Variants in DIRAS2 observed in about 807,000 individuals in gnomAD.
The protein encoded by DIRAS2 is GTP-binding protein Di-Ras2.
A neutral mutation model predicts 13.9 loss-of-function variants in DIRAS2; 5 were observed. The ratio of observed to expected loss-of-function variants is 0.36; its 90% CI spans 0.19 to 0.76. The LOEUF (loss-of-function observed/expected upper bound fraction) is 0.76, where lower values mean the gene tolerates loss of function less well. DIRAS2 is among the 30% of genes least tolerant of loss of function. The probability of loss-of-function intolerance (pLI) is 0.53; values close to 1 mark genes in which losing one functional copy is unlikely to be tolerated. For missense variants in DIRAS2, 191 were observed against 263.0 expected, an observed-to-expected ratio of 0.73 and a Z score of 1.89; for synonymous variants, 111 against 105.4, an observed-to-expected ratio of 1.05 and a Z score of -0.33.
rs1434820097 is a variant in DIRAS2 at position 90,612,532 on chromosome 9, C to G, written c.*696G>C. ...ATATCCTCACTTAAAAACTGAAGAA[C>G]TTCCGACAGAGCAGCACACTGTTAG... On this transcript the variant is annotated 3_prime_UTR_variant, in exon 2 of 2. Coordinates refer to ENST00000375765, the MANE Select transcript of DIRAS2 (RefSeq NM_017594.5). 6.6e-6 allele frequency: 1 copy of G among 152,308 alleles called. No homozygotes were observed. Among genetic ancestry groups the G allele is most frequent in the East Asian group, 1.9e-4 (1 of 5,204 alleles). The allele number at this position is 152,308 out of a possible 1,614,324, so 9.4% of individuals were successfully genotyped here.
At position 90,613,497 on chromosome 9, in the gene DIRAS2, C is replaced by A. The variant is rs759324657; in HGVS notation, c.331G>T (p.Val111Leu). The A allele has an allele frequency of 5.0e-6, 8 of 1,614,014 alleles. No individual in the cohort carries two copies. In the South Asian group the frequency reaches 6.6e-5, roughly 13 times the overall value. ...ACCAGCATGATGGGGATGCTCTCCA[C>A]GTCCCCTTTGATCTCGCAGATTTGT... is the stretch of plus-strand genomic sequence containing the variant. ...YEQICEIKGD[V>L]ESIPIMLVGN... Residue 111 changes from valine to leucine, a missense_variant, in exon 2 of 2, where the codon GTG becomes TTG. Physicochemically the swap from Val to Leu is conservative, Grantham distance 32. Coordinates refer to ENST00000375765, the MANE Select transcript of DIRAS2 (RefSeq NM_017594.5). This position sits in a 1 kb window ranked among gnomAD's most constrained non-coding sequence, Gnocchi z 5.6.
At chr9:90,632,958 T>C (rs929923284) in intron 1 of DIRAS2, among the ~76,000 whole-genome samples, 1 of 152,204 alleles carries the variant, frequency 6.6e-6, no homozygotes, top group African/African-American at 2.4e-5. Context: ...GTGATATCCA[T>C]GGCTCTCTGT....
Position 90,613,562 on chromosome 9 carries a change from G to C in DIRAS2, c.266C>G (p.Thr89Ser), listed in dbSNP as rs1564017963. 2 of 1,614,166 alleles carry C rather than the reference G, an allele frequency of 1.2e-6. No individual in the cohort carries two copies. The highest frequency in any genetic ancestry group is 1.7e-6 in the Non-Finnish European group (2 of 1,180,036). ...GAGCTCCTCCAAGGACTGTCGGCTG[G>C]TAATGGAGTACACCAGGATGAAGGC... The part of the protein sequence containing the change: ...GHAFILVYSI[T>S]SRQSLEELKP... Residue 89 changes from threonine to serine, a missense_variant, in exon 2 of 2, where the codon ACC becomes AGC. Thr to Ser is a moderately conservative substitution (Grantham distance 58, BLOSUM62 1). Coordinates refer to ENST00000375765, the MANE Select transcript of DIRAS2 (RefSeq NM_017594.5). The surrounding 1 kb of genome is among the most constrained non-coding windows in gnomAD (Gnocchi z 5.6).
Position 90,613,943 on chromosome 9 carries a change from G to A in DIRAS2, c.-36-80C>T, listed in dbSNP as rs889475365. On this transcript the variant is annotated intron_variant, in intron 1 of 1. Coordinates refer to ENST00000375765, the MANE Select transcript of DIRAS2 (RefSeq NM_017594.5). This position sits in a 1 kb window ranked among gnomAD's most constrained non-coding sequence, Gnocchi z 5.6. ...AATAAGGATAGCTCTACCCTCTTTTGATAGCTTAAAAATGGGAGGTGATAA... is the reference window on the plus strand; with the variant it reads ...AATAAGGATAGCTCTACCCTCTTTTAATAGCTTAAAAATGGGAGGTGATAA... 2.3e-6 allele frequency: 3 copies of A among 1,323,078 alleles called. No homozygotes were observed. In the African/African-American group the frequency reaches 4.5e-5, roughly 20 times the overall value. 82.0% of individuals were successfully genotyped at this position (1,323,078 alleles called of 1,614,324 possible). A position where few individuals can be genotyped will look rare whatever the true frequency, so the allele number is the denominator to read the frequency against.
intron 1 of DIRAS2, among the ~76,000 whole-genome samples, chr9:90,638,601 T>C: frequency 6.6e-6 from 1 of 152,070 alleles, no homozygotes; most frequent in East Asian, 1.9e-4. Flanking sequence ...ATGATTGTTT[T>C]ATAGGCAAGG....
In DIRAS2 at chr9:90,612,001, GAAAGATTA is replaced by G. The variant is rs1470778159; in HGVS notation, c.*1219_*1226del. 6.6e-6 allele frequency: 1 copy of G among 152,262 alleles called. No individual in the cohort carries two copies. The highest frequency in any genetic ancestry group is 1.5e-5 in the Non-Finnish European group (1 of 68,038). The allele number at this position is 152,262 out of a possible 1,614,324, so 9.4% of individuals were successfully genotyped here. A position where few individuals can be genotyped will look rare whatever the true frequency, so the allele number is the denominator to read the frequency against. ...ACCTGAAATAGCTGTAATTTGGCTTGAAAGATTAAAGATGCACACAAAATCATTAAGAG... is the reference window on the plus strand; with the variant it reads ...ACCTGAAATAGCTGTAATTTGGCTTGAAGATGCACACAAAATCATTAAGAG... On this transcript the variant is annotated 3_prime_UTR_variant, in exon 2 of 2. Coordinates refer to ENST00000375765, the MANE Select transcript of DIRAS2 (RefSeq NM_017594.5).
intron 1 of DIRAS2, among the ~76,000 whole-genome samples, chr9:90,630,338 A>G (rs568061699): frequency 3.3e-5 from 5 of 152,364 alleles, no homozygotes; most frequent in African/African-American, 1.2e-4. Flanking sequence ...AACTCTGCTT[A>G]AAACCACTCA....
intron 1 of DIRAS2, among the ~76,000 whole-genome samples, chr9:90,617,161 G>A (rs1387823477): frequency 6.6e-6 from 1 of 152,228 alleles, no homozygotes; most frequent in African/African-American, 2.4e-5. Context: ...ATTTGGGGTA[G>A]CAAGTGAGTG....
At chr9:90,623,559 A>G (rs1825240604) in intron 1 of DIRAS2, among the ~76,000 whole-genome samples, 1 of 152,214 alleles carries the variant, frequency 6.6e-6, no homozygotes, top group Non-Finnish European at 1.5e-5. Flanking sequence ...AGTGAAAATC[A>G]GTATTAGGCC....
chr9:90,623,423 C>T (rs1825238071), intron 1 of DIRAS2, among the ~76,000 whole-genome samples: 3 of 152,002 alleles, frequency 2.0e-5, no homozygotes, highest in Admixed American at 2.0e-4. Context: ...CTCCCTTATA[C>T]TCCAAAAAAG....
At chr9:90,628,318 C>T (rs1039164559) in intron 1 of DIRAS2, among the ~76,000 whole-genome samples, 1 of 152,096 alleles carries the variant, frequency 6.6e-6, no homozygotes, top group Non-Finnish European at 1.5e-5. Flanking sequence ...TTGTTTTTAA[C>T]CTCATTCATA....
rs1564020857 is a variant in DIRAS2 at position 90,626,434 on chromosome 9, C to T, written c.-36-12571G>A. On this transcript the variant is annotated intron_variant, in intron 1 of 1. Transcript: ENST00000375765. ...CAGCCTGGGCACCATAGCAAGACCC[C>T]ATTTCTTAAAAAAAAAAAAAAAAAG... Among the ~76,000 whole-genome samples the T allele has an allele frequency of 2.5e-5, 3 of 119,470 alleles. No individual in the cohort carries two copies. The South Asian group carries it at 8.8e-4, about 35-fold the overall frequency. The allele number at this position is 119,470 out of a possible 152,430, so 78.4% of individuals were successfully genotyped here.
At chr9:90,614,940 T>C (rs1324734947) in intron 1 of DIRAS2, among the ~76,000 whole-genome samples, 1 of 152,170 alleles carries the variant, frequency 6.6e-6, no homozygotes, top group African/African-American at 2.4e-5. Context: ...TGTACCTTCT[T>C]CGGTAAGGAA....
intron 1 of DIRAS2, among the ~76,000 whole-genome samples, chr9:90,615,934 T>C (rs189176166): frequency 2.6e-5 from 4 of 152,388 alleles, no homozygotes; most frequent in Admixed American, 2.0e-4. Context: ...GAATCTAATC[T>C]TAAGCTTCTT....
chr9:90,631,768 C>T (rs1255556058), intron 1 of DIRAS2, among the ~76,000 whole-genome samples: 1 of 152,162 alleles, frequency 6.6e-6, no homozygotes, highest in African/African-American at 2.4e-5. Flanking sequence ...AAACTGCCGG[C>T]TCATATACCC....
chr9:90,628,638 C>T (rs557575141), intron 1 of DIRAS2, among the ~76,000 whole-genome samples: 3 of 152,228 alleles, frequency 2.0e-5, no homozygotes, highest in South Asian at 2.1e-4. Flanking sequence ...CTCAATCTCC[C>T]GGGCTCAGGT....
At chr9:90,628,959 A>G (rs546665636) in intron 1 of DIRAS2, among the ~76,000 whole-genome samples, 6 of 151,948 alleles carry the variant, frequency 3.9e-5, no homozygotes, top group African/African-American at 1.2e-4. Context: ...GGTTCACGCC[A>G]TTCTCCTGCT....
At chr9:90,623,202 C>T (rs1030082984) in intron 1 of DIRAS2, among the ~76,000 whole-genome samples, 2 of 152,050 alleles carry the variant, frequency 1.3e-5, no homozygotes, top group African/African-American at 4.8e-5. Context: ...TGCTCATTTC[C>T]CCAAATGTCT....
Position 90,613,400 on chromosome 9 carries a change from C to T in DIRAS2, c.428G>A (p.Trp143Ter). 2 of 1,614,164 alleles carry T rather than the reference C, an allele frequency of 1.2e-6. No individual in the cohort carries two copies. Among genetic ancestry groups the T allele is most frequent in the East Asian group, 2.2e-5 (1 of 44,872 alleles). Residue 143 changes from tryptophan to a stop codon, truncating the protein, a stop_gained, in exon 2 of 2, where the codon TGG (tryptophan) becomes TAG (stop). Transcript: ENST00000375765. LOFTEE classifies it high-confidence loss of function. This position sits in a 1 kb window ranked among gnomAD's most constrained non-coding sequence, Gnocchi z 5.6. ...TGAGGTCTCCATGAAGGCACACTTC[C>T]ATGTGCGGGCCAAGGCCTCCGCCTC... ...SSEAEALART[W>*]KCAFMETSAK...
Sources: gnomAD v4.1 joint callset for allele counts (sites outside exome capture counted in the v4.1 genomes callset) on GRCh38, gnomAD v4.1.1 for gene constraint, Gnocchi (gnomAD v3.1) non-coding constraint, MANE v1.5 for transcripts, NCBI Gene and HGNC (gene_info 2026-07-23, HGNC 2026-07-21) for gene names.